The following PUM3 variants were observed in gnomAD, a reference collection of about 807,000 sequenced individuals.
PUM3 encodes the protein pumilio homolog 3.
PUM3 carries 91 observed loss-of-function variants against 84.0 expected under a neutral mutation model. The ratio of observed to expected loss-of-function variants is 1.08; its 90% CI spans 0.91 to 1.29. The LOEUF (loss-of-function observed/expected upper bound fraction) is 1.29. Ranked by LOEUF, PUM3 falls within the 50% of genes most tolerant of loss-of-function variation. The probability of loss-of-function intolerance (pLI) is 0.00; values close to 1 mark genes in which losing one functional copy is unlikely to be tolerated. For synonymous variants in PUM3, 321 were observed against 266.7 expected (o/e 1.20, Z -1.98); for missense variants, 1,067 against 767.5 (o/e 1.39, Z -4.61).
At chr9:2,816,804 C>T (rs1408004387) in intron 13 of PUM3, among the ~76,000 whole-genome samples, 3 of 152,156 alleles carry the variant, frequency 2.0e-5, no homozygotes, top group African/African-American at 7.2e-5. Context: ...GGTGGGGAGA[C>T]CACATCTGAC....
Position 2,820,089 on chromosome 9 carries a change from A to C in PUM3, c.1198T>G (p.Ser400Ala), listed in dbSNP as rs1227137056. 1.2e-6 allele frequency: 2 copies of C among 1,608,590 alleles called. No individual in the cohort carries two copies. Among genetic ancestry groups the C allele is most frequent in the Non-Finnish European group, 1.7e-6 (2 of 1,175,944 alleles). The change falls in exon 13 of 18, where the codon TCC (serine) becomes GCC (alanine). Residue 400 changes from serine to alanine, a missense_variant. Transcript: ENST00000397885. Reference sequence around the variant, plus strand: ...AATGCCGCCAGTAAAACCAAATGGGAGTATTGGCCCTGCAAGAATTGGAAG... The same window carrying C: ...AATGCCGCCAGTAAAACCAAATGGGCGTATTGGCCCTGCAAGAATTGGAAG... ...YVEKVANGQY[S>A]HLVLLAAFDC...
At chr9:2,812,492 G>C (rs551602287) in intron 13 of PUM3, 130 bp from the exon 14 acceptor site, 44 of 642,306 alleles carry the variant, frequency 6.9e-5, no homozygotes, top group African/African-American at 6.4e-4. Flanking sequence ...TAAAATTATA[G>C]TATATGTGCT....
chr9:2,805,595 T>G (rs1454606883), intron 17 of PUM3, among the ~76,000 whole-genome samples: 3 of 152,168 alleles, frequency 2.0e-5, no homozygotes, highest in Non-Finnish European at 4.4e-5. Flanking sequence ...TGCTAAAAAG[T>G]AAAGTTCCCT....
At chr9:2,818,530 A>C (rs1821519562) in intron 13 of PUM3, among the ~76,000 whole-genome samples, 1 of 152,130 alleles carries the variant, frequency 6.6e-6, no homozygotes, top group African/African-American at 2.4e-5. Flanking sequence ...ACAAAAGCAA[A>C]CTTTCAATAT....
At chr9:2,808,378 A>G (rs139002941) in intron 16 of PUM3, among the ~76,000 whole-genome samples, 4 of 152,356 alleles carry the variant, frequency 2.6e-5, no homozygotes, top group Non-Finnish European at 1.5e-5. Context: ...TGACTGTTCT[A>G]GCTTAAACTT....
chr9:2,811,282 A>T, intron 15 of PUM3, 79 bp downstream of exon 15: 1 of 1,168,674 alleles, frequency 8.6e-7, no homozygotes, highest in Non-Finnish European at 1.3e-6. Flanking sequence ...CAGCTTTCTT[A>T]CTGACACCCC....
chr9:2,807,757 A>G (rs1465027471), intron 17 of PUM3, 57 bp downstream of exon 17: 2 of 1,060,642 alleles, frequency 1.9e-6, no homozygotes, highest in Middle Eastern at 2.7e-4. Context: ...AACGTGAAGG[A>G]AGTGTGTCTT....
At chr9:2,838,612 T>G in intron 1 of PUM3, 95 bp from the exon 2 acceptor site, 1 of 755,644 alleles carries the variant, frequency 1.3e-6, no homozygotes, top group Admixed American at 2.1e-5. Context: ...AGTCCTTCAG[T>G]CTACAAATAC....
chr9:2,807,988 A>G (rs1320970568), intron 16 of PUM3, 84 bp from the exon 17 acceptor site: 8 of 799,146 alleles, frequency 1.0e-5, no homozygotes, highest in Non-Finnish European at 1.6e-5. Context: ...TTAAATCTGC[A>G]AATATTTTTA....
chr9:2,815,157 A>C (rs976422243), intron 13 of PUM3, among the ~76,000 whole-genome samples: 7 of 152,248 alleles, frequency 4.6e-5, no homozygotes, highest in Non-Finnish European at 1.0e-4. Context: ...AAGGCTTTTA[A>C]AAGAATGCAT....
chr9:2,809,923 ATTCT>A (rs1343271399), intron 16 of PUM3, among the ~76,000 whole-genome samples: 2 of 152,138 alleles, frequency 1.3e-5, no homozygotes, highest in Non-Finnish European at 2.9e-5. Flanking sequence ...TCTTCTGCTT[ATTCT>A]TTCTTCAAAC....
chr9:2,824,674 C>A (rs994753323), intron 11 of PUM3, 43 bp downstream of exon 11: 5 of 1,294,806 alleles, frequency 3.9e-6, no homozygotes, highest in Non-Finnish European at 5.2e-6. Flanking sequence ...AAAGCATGGC[C>A]CTGACTTGTA....
At chr9:2,817,610 A>C (rs1425927228) in intron 13 of PUM3, among the ~76,000 whole-genome samples, 1 of 152,248 alleles carries the variant, frequency 6.6e-6, no homozygotes, top group African/African-American at 2.4e-5. Context: ...CATGTTTTAC[A>C]AAATAAAAAA....
At chr9:2,809,237 C>A (rs185347600) in intron 16 of PUM3, among the ~76,000 whole-genome samples, 29 of 152,220 alleles carry the variant, frequency 1.9e-4, no homozygotes, top group Non-Finnish European at 3.5e-4. Flanking sequence ...TGCAGGAGGA[C>A]AAACTCATTT....
intron 14 of PUM3, among the ~76,000 whole-genome samples, 181 bp downstream of exon 14, chr9:2,812,039 A>C (rs76667946): frequency 6.6e-6 from 1 of 152,254 alleles, no homozygotes; most frequent in Admixed American, 6.5e-5. Context: ...TTGGCACGAC[A>C]CTTTTATTTC....
chr9:2,837,799 A>C (rs1816167956), intron 2 of PUM3, among the ~76,000 whole-genome samples: 1 of 152,176 alleles, frequency 6.6e-6, no homozygotes, highest in African/African-American at 2.4e-5. Context: ...AGTCTTAAGA[A>C]ATGACTTCTT....
At chr9:2,837,442 C>G in intron 2 of PUM3, 41 bp from the exon 3 acceptor site, 1 of 1,340,480 alleles carries the variant, frequency 7.5e-7, no homozygotes, top group Non-Finnish European at 1.1e-6. Context: ...ATTCTGGGCC[C>G]AAATCTCTTT....
chr9:2,836,683 A>G (rs997011617), intron 3 of PUM3, among the ~76,000 whole-genome samples: 8 of 152,142 alleles, frequency 5.3e-5, no homozygotes, highest in African/African-American at 1.9e-4. Flanking sequence ...CAGGGTCTCT[A>G]TGTTTCTTGC....
At chr9:2,825,443 C>T (rs1448355925) in intron 10 of PUM3, among the ~76,000 whole-genome samples, 1 of 152,054 alleles carries the variant, frequency 6.6e-6, no homozygotes. Flanking sequence ...CTTAATTTAA[C>T]CTTTAGCCTT....
Sources: allele counts gnomAD v4.1 joint callset (sites outside exome capture counted in the v4.1 genomes callset), GRCh38; gene constraint gnomAD v4.1.1; transcripts MANE v1.5; gene names NCBI Gene and HGNC (gene_info 2026-07-23, HGNC 2026-07-21).